Variants in ADAMTS16 observed in about 807,000 individuals in gnomAD.
The protein encoded by ADAMTS16 is ADAM metallopeptidase with thrombospondin type 1 motif 16, also known as A disintegrin and metalloproteinase with thrombospondin motifs 16.
In ADAMTS16, 94 loss-of-function variants were observed where a neutral mutation model predicts 145.8. The observed-to-expected ratio is 0.64, with a 90% CI of 0.55 to 0.77. The LOEUF is 0.77. Ranked by LOEUF, ADAMTS16 falls within the 30% of genes least tolerant of loss-of-function variation. The pLI, the probability that ADAMTS16 is intolerant of heterozygous loss-of-function variation, is 0.00. For missense variants in ADAMTS16, 1,585 were observed against 1,591.5 expected (o/e 1.00, Z 0.07); for synonymous variants, 659 against 604.3 (o/e 1.09, Z -1.33).
chr5:5,234,949 C>T (rs1737052504), intron 12 of ADAMTS16, 65 bp from the exon 13 acceptor site: 40 of 1,377,708 alleles, frequency 2.9e-5, no homozygotes, highest in Non-Finnish European at 3.6e-5. Flanking sequence ...TCCAATAAGC[C>T]TAATTTTAAA....
At chr5:5,201,551 G>A (rs766211027) in intron 9 of ADAMTS16, among the ~76,000 whole-genome samples, 1 of 151,402 alleles carries the variant, frequency 6.6e-6, no homozygotes, top group Non-Finnish European at 1.5e-5. Flanking sequence ...TTTTTTTTAA[G>A]TAACAGCTTT....
In ADAMTS16 at chr5:5,303,688, C is replaced by T. The variant is rs201691230; in HGVS notation, c.3108C>T (p.Pro1036=). ...CTGTCTGCACCTCCGAGCCCAAGCC[C>T]AGGATGCATGAAGCCTGTCTGCTTC... ...PDAVCTSEPK[P]RMHEACLLQR... The change falls in exon 20 of 23, where the codon CCC becomes CCT. Residue 1036 remains proline (P), a synonymous_variant. Coordinates refer to ENST00000274181, the MANE Select transcript of ADAMTS16 (RefSeq NM_139056.4). 869 of 1,613,798 alleles carry T rather than the reference C, an allele frequency of 5.4e-4. 2 individuals are homozygous for T. In the African/African-American group the frequency reaches 0.011, roughly 20 times the overall value.
rs191087182 is a variant in ADAMTS16 at position 5,177,504 on chromosome 5, A to G, written c.502-4540A>G. Among the ~76,000 whole-genome samples the G allele has an allele frequency of 3.0e-4, 46 of 152,364 alleles. 1 individual carries two copies. Among genetic ancestry groups the G allele is most frequent in the African/African-American group, 9.9e-4 (41 of 41,576 alleles). On this transcript the variant is annotated intron_variant, in intron 3 of 22. Coordinates refer to ENST00000274181, the MANE Select transcript of ADAMTS16 (RefSeq NM_139056.4). Reference sequence around the variant, plus strand: ...AACAGACACAAAATTTCTTGGAGAAAAAGGAAGCTTTTTGGTTTATTTAAG... The same window carrying G: ...AACAGACACAAAATTTCTTGGAGAAGAAGGAAGCTTTTTGGTTTATTTAAG...
At chr5:5,265,127 A>G (rs943081506) in intron 18 of ADAMTS16, among the ~76,000 whole-genome samples, 3 of 152,238 alleles carry the variant, frequency 2.0e-5, no homozygotes, top group African/African-American at 7.2e-5. Flanking sequence ...AGAATGTAGC[A>G]TGGCACAGTT....
At position 5,238,889 on chromosome 5, in the gene ADAMTS16, G is replaced by C. The variant is rs529747855; in HGVS notation, c.2155-262G>C. 2.0e-5 allele frequency among the ~76,000 whole-genome samples: 3 copies of C among 152,320 alleles called. No homozygotes were observed. The East Asian group carries it at 5.8e-4, about 29-fold the overall frequency. On this transcript the variant is annotated intron_variant, in intron 14 of 22. Transcript: ENST00000274181. ...CATCGCTCCAACATGACAACCTACAGGTTTAATTTGGGGCCACTTGTGTAA... is the reference window on the plus strand; with the variant it reads ...CATCGCTCCAACATGACAACCTACACGTTTAATTTGGGGCCACTTGTGTAA...
chr5:5,261,867 T>C (rs1278759200), intron 17 of ADAMTS16, among the ~76,000 whole-genome samples: 1 of 152,206 alleles, frequency 6.6e-6, no homozygotes, highest in Non-Finnish European at 1.5e-5. Flanking sequence ...CACCATCATC[T>C]CCAGAACTTT....
intron 4 of ADAMTS16, among the ~76,000 whole-genome samples, chr5:5,184,812 T>A (rs922024651): frequency 1.3e-5 from 2 of 152,060 alleles, no homozygotes; most frequent in Non-Finnish European, 2.9e-5. Context: ...TTCTGACCCC[T>A]GCCCCCAATA....
chr5:5,203,440 A>T (rs1736011158), intron 9 of ADAMTS16, among the ~76,000 whole-genome samples: 1 of 152,234 alleles, frequency 6.6e-6, no homozygotes, highest in Admixed American at 6.5e-5. Context: ...GCAAGGATAA[A>T]TGGCTACCTT....
chr5:5,307,799 A>T (rs958614451), intron 21 of ADAMTS16, among the ~76,000 whole-genome samples: 5 of 152,084 alleles, frequency 3.3e-5, no homozygotes, highest in Non-Finnish European at 7.4e-5. Flanking sequence ...CACCTGCTCG[A>T]TGGGGTCCAC....
chr5:5,281,174 G>A (rs896369336), intron 18 of ADAMTS16, among the ~76,000 whole-genome samples: 3 of 152,166 alleles, frequency 2.0e-5, no homozygotes, highest in African/African-American at 7.2e-5. Context: ...GAAGCTTTAA[G>A]GCTCTTCTAA....
intron 17 of ADAMTS16, among the ~76,000 whole-genome samples, chr5:5,247,304 C>T (rs1282393690): frequency 6.6e-6 from 1 of 152,110 alleles, no homozygotes. Flanking sequence ...AAACGTCTCC[C>T]GTTCTTTATT....
At chr5:5,276,947 A>G (rs908583958) in intron 18 of ADAMTS16, among the ~76,000 whole-genome samples, 2 of 152,234 alleles carry the variant, frequency 1.3e-5, no homozygotes, top group Non-Finnish European at 2.9e-5. Context: ...ATTTCTTTCA[A>G]GATACTCACC....
intron 3 of ADAMTS16, among the ~76,000 whole-genome samples, chr5:5,175,311 G>C (rs971350423): frequency 8.5e-5 from 13 of 152,184 alleles, no homozygotes; most frequent in African/African-American, 2.9e-4. Context: ...CTGGGAGCTA[G>C]GTCCAGGAAT....
At chr5:5,256,352 T>C (rs1019321316) in intron 17 of ADAMTS16, among the ~76,000 whole-genome samples, 6 of 152,222 alleles carry the variant, frequency 3.9e-5, no homozygotes, top group African/African-American at 9.6e-5. Context: ...TAATGTCTCA[T>C]TAAGGAAAAC....
intron 4 of ADAMTS16, among the ~76,000 whole-genome samples, chr5:5,182,816 A>G (rs376547648): frequency 2.6e-5 from 4 of 152,172 alleles, no homozygotes; most frequent in Admixed American, 1.3e-4. Flanking sequence ...GAAATGGTTT[A>G]TTATTTACAT....
chr5:5,242,299 C>A, intron 17 of ADAMTS16, 108 bp downstream of exon 17: 1 of 1,399,152 alleles, frequency 7.1e-7, no homozygotes, highest in Non-Finnish European at 9.5e-7. Context: ...GGGCTTCTCC[C>A]TGCCAGTAGC....
chr5:5,197,828 A>G (rs1735848365), intron 8 of ADAMTS16, among the ~76,000 whole-genome samples: 1 of 152,176 alleles, frequency 6.6e-6, no homozygotes, highest in African/African-American at 2.4e-5. Context: ...GGAGACACAA[A>G]TTGTGAAATA....
rs757979262 is a variant in ADAMTS16, at chr5:5,236,986, C to T, written c.2041C>T (p.Leu681Phe). 4 of 1,613,138 alleles carry T rather than the reference C, an allele frequency of 2.5e-6. No homozygotes were observed. The highest frequency in any genetic ancestry group is 2.2e-5 in the East Asian group (1 of 44,872). ...TQVEDQDLCKLYCIAEGFDFF... is the reference protein window; with the variant it reads ...TQVEDQDLCKFYCIAEGFDFF... ...TTTTTAAGATCAGGACTTATGCAAA[C>T]TCTACTGTATCGCAGAAGGATTTGA... The change falls in exon 14 of 23, where the codon CTC becomes TTC. Residue 681 changes from leucine to phenylalanine, a missense_variant. By Grantham distance (22) the Leu-to-Phe change is conservative. Coordinates refer to ENST00000274181, the MANE Select transcript of ADAMTS16 (RefSeq NM_139056.4).
intron 14 of ADAMTS16, among the ~76,000 whole-genome samples, chr5:5,238,542 C>T (rs746466743): frequency 6.6e-6 from 1 of 152,056 alleles, no homozygotes; most frequent in Non-Finnish European, 1.5e-5. Flanking sequence ...ATACATCTGG[C>T]CCTATGGATT....
Sources: allele counts gnomAD v4.1 joint callset (sites outside exome capture counted in the v4.1 genomes callset), GRCh38; gene constraint gnomAD v4.1.1; transcripts MANE v1.5; gene names NCBI Gene and HGNC (gene_info 2026-07-23, HGNC 2026-07-21).